The following PLCG2 variants were observed in gnomAD, a reference collection of about 807,000 sequenced individuals.
PLCG2 encodes the protein 1-phosphatidylinositol 4,5-bisphosphate phosphodiesterase gamma-2.
A neutral mutation model predicts 175.6 loss-of-function variants in PLCG2; 69 were observed. The observed-to-expected ratio is 0.39, with a 90% confidence interval of 0.32 to 0.48. PLCG2 has a LOEUF of 0.48. Ranked by LOEUF, PLCG2 falls within the 20% of genes least tolerant of loss-of-function variation. The pLI is 0.91. For missense variants in PLCG2, 1,798 were observed against 1,650.9 expected (o/e 1.09, Z -1.54); for synonymous variants, 827 against 624.0 (o/e 1.33, Z -4.85).
At chr16:81,828,129 A>G (rs924399017) in intron 2 of PLCG2, among the ~76,000 whole-genome samples, 1 of 151,014 alleles carries the variant, frequency 6.6e-6, no homozygotes, top group Non-Finnish European at 1.5e-5. Flanking sequence ...TCATTGAAAC[A>G]CACAAATAAG....
chr16:81,859,008 C>T (rs1234560453), intron 4 of PLCG2, 108 bp from the exon 5 acceptor site: 1 of 659,566 alleles, frequency 1.5e-6, no homozygotes, highest in East Asian at 2.8e-5. Flanking sequence ...GAAGACTCCT[C>T]CTTTTGGTTC....
At chr16:81,919,776 G>C in intron 20 of PLCG2, 112 bp downstream of exon 20, 1 of 820,462 alleles carries the variant, frequency 1.2e-6, no homozygotes, top group East Asian at 2.6e-5. Flanking sequence ...TGATACTGCT[G>C]TAGGTCCTGG....
At chr16:81,885,051 C>T in intron 9 of PLCG2, among the ~76,000 whole-genome samples, 1 of 105,246 alleles carries the variant, frequency 9.5e-6, no homozygotes, top group Admixed American at 1.1e-4. Context: ...CCATGCCTGA[C>T]AATTTTTTTT....
At chr16:81,783,730 G>A (rs1487999805) in intron 1 of PLCG2, among the ~76,000 whole-genome samples, 2 of 152,196 alleles carry the variant, frequency 1.3e-5, no homozygotes, top group Non-Finnish European at 2.9e-5. Flanking sequence ...GGATGAAATG[G>A]ACCATGGGGG....
At chr16:81,768,579 T>TTTC (rs1378084875) in intron 2 of PLCG2, among the ~76,000 whole-genome samples, 2 of 142,724 alleles carry the variant, frequency 1.4e-5, no homozygotes, top group African/African-American at 5.3e-5. Context: ...TTTTTTTTTT[T>TTTC]CCCGAGATGG....
chr16:81,925,135 G>C (rs1347118942), intron 22 of PLCG2, among the ~76,000 whole-genome samples: 1 of 152,242 alleles, frequency 6.6e-6, no homozygotes. Context: ...GCAGTTCTCT[G>C]AATTTCGAAG....
intron 2 of PLCG2, among the ~76,000 whole-genome samples, chr16:81,825,596 G>A (rs1905015643): frequency 6.6e-6 from 1 of 152,132 alleles, no homozygotes. Context: ...CGCCCAGCCC[G>A]AGATGCTCTA....
At chr16:81,926,931 T>A in intron 22 of PLCG2, 151 bp from the exon 23 acceptor site, 1 of 636,800 alleles carries the variant, frequency 1.6e-6, no homozygotes, top group Non-Finnish European at 2.8e-6. Flanking sequence ...GCCTTTGAGA[T>A]GCTCCATTGT....
upstream of PLCG2, among the ~76,000 whole-genome samples, chr16:81,777,649 T>G (rs1188362553): frequency 9.7e-6 from 1 of 103,476 alleles, no homozygotes; most frequent in African/African-American, 4.3e-5. Flanking sequence ...TCCACAGATC[T>G]TGTGAAGTCA....
At chr16:81,794,478 A>G (rs1403820492) in intron 2 of PLCG2, among the ~76,000 whole-genome samples, 1 of 152,222 alleles carries the variant, frequency 6.6e-6, no homozygotes, top group Non-Finnish European at 1.5e-5. Context: ...TGAAGTGTCC[A>G]TAAATGTATT....
In PLCG2 at chr16:81,939,849, G is replaced by T. The variant is rs773121110; in HGVS notation, c.3314-43G>T. On this transcript the variant is annotated intron_variant, in intron 29 of 32. Coordinates refer to ENST00000564138, the MANE Select transcript of PLCG2 (RefSeq NM_002661.5). ...GCGGAGATTGTCTTACCAGAAGGGGGCAGCTCCAATGTGGCCTCTCATGAG... is the reference window on the plus strand; with the variant it reads ...GCGGAGATTGTCTTACCAGAAGGGGTCAGCTCCAATGTGGCCTCTCATGAG... 11 of 1,373,684 alleles carry T rather than the reference G, an allele frequency of 8.0e-6. No homozygotes were observed. In the African/African-American group the frequency reaches 1.3e-4, roughly 16 times the overall value. The allele number at this position is 1,373,684 out of a possible 1,614,324, so 85.1% of individuals were successfully genotyped here.
intron 32 of PLCG2, 28 bp from the exon 33 acceptor site, chr16:81,957,928 G>A: frequency 6.2e-7 from 1 of 1,609,834 alleles, no homozygotes; most frequent in Non-Finnish European, 8.5e-7. Flanking sequence ...ATGGCCCACT[G>A]CTGATGGTGA....
intron 2 of PLCG2, among the ~76,000 whole-genome samples, chr16:81,832,068 T>A (rs888870924): frequency 2.0e-5 from 3 of 151,430 alleles, no homozygotes; most frequent in Non-Finnish European, 4.4e-5. Context: ...GTGGGCTTTG[T>A]CGTCCTCCGG....
At chr16:81,805,545 AC>A (rs1016718172) in intron 2 of PLCG2, among the ~76,000 whole-genome samples, 11 of 151,114 alleles carry the variant, frequency 7.3e-5, no homozygotes, top group African/African-American at 2.7e-4. Context: ...AACAAAAAAA[AC>A]CAAAAACAAA....
intron 1 of PLCG2, among the ~76,000 whole-genome samples, chr16:81,746,158 T>A (rs1270856746): frequency 6.6e-6 from 1 of 152,138 alleles, no homozygotes; most frequent in Non-Finnish European, 1.5e-5. Flanking sequence ...CCATGGGTGC[T>A]CAGGGCACTG....
intron 30 of PLCG2, among the ~76,000 whole-genome samples, chr16:81,944,749 T>A (rs184198391): frequency 1.2e-4 from 18 of 152,312 alleles, no homozygotes; most frequent in Admixed American, 1.2e-3. Context: ...GTGCTAGGAT[T>A]ACAGGCATGA....
intron 2 of PLCG2, among the ~76,000 whole-genome samples, chr16:81,771,243 T>C (rs889539467): frequency 2.0e-5 from 3 of 152,110 alleles, no homozygotes; most frequent in Non-Finnish European, 4.4e-5. Context: ...TCTTTTTGTG[T>C]GTGAGAAAAA....
At chr16:81,787,472 C>T (rs1403577662) in intron 2 of PLCG2, among the ~76,000 whole-genome samples, 1 of 135,486 alleles carries the variant, frequency 7.4e-6, no homozygotes, top group African/African-American at 2.9e-5. Flanking sequence ...AAGTGATCCT[C>T]CCTCCTTGGC....
intron 14 of PLCG2, among the ~76,000 whole-genome samples, chr16:81,903,887 C>G (rs1909254819): frequency 6.6e-6 from 1 of 152,206 alleles, no homozygotes; most frequent in Non-Finnish European, 1.5e-5. Context: ...TGGCCCACTT[C>G]TTTCTATTTC....
Sources: gnomAD v4.1 joint callset for allele counts (sites outside exome capture counted in the v4.1 genomes callset) on GRCh38, gnomAD v4.1.1 for gene constraint, MANE v1.5 for transcripts, NCBI Gene and HGNC (gene_info 2026-07-23, HGNC 2026-07-21) for gene names.